Variants in ABCA9 observed in about 807,000 individuals in gnomAD.
ABCA9 encodes ATP binding cassette subfamily A member 9.
A neutral mutation model predicts 205.3 loss-of-function variants in ABCA9; 183 were observed. The observed-to-expected ratio is 0.89, with a 90% confidence interval of 0.79 to 1.01. ABCA9 has a LOEUF of 1.01. ABCA9 is among the 50% of genes least tolerant of loss of function. The pLI is 0.00. For synonymous variants in ABCA9, 651 were observed against 683.3 expected, an observed-to-expected ratio of 0.95 and a Z score of 0.74; for missense variants, 1,805 against 1,912.4, an observed-to-expected ratio of 0.94 and a Z score of 1.05.
At chr17:69,062,502 ATATTTATT>A (rs747545052), upstream of ABCA9, among the ~76,000 whole-genome samples, 12 of 151,488 alleles carry the variant, frequency 7.9e-5, no homozygotes, top group African/African-American at 2.4e-4. Context: ...ACAATATTTA[ATATTTATT>A]TATTTATTTA....
intron 6 of ABCA9, among the ~76,000 whole-genome samples, chr17:69,039,463 C>A (rs1322109307): frequency 1.3e-5 from 2 of 152,024 alleles, no homozygotes; most frequent in Admixed American, 6.5e-5. Context: ...GGAAAGGATT[C>A]CCTATTTAAT....
Position 68,993,154 on chromosome 17 carries a change from G to T in ABCA9, c.3556-70C>A. ...TATTCATGGAATTTATCCCACTTAA[G>T]ATAAACTGATGCCTATTCAATGGCC... On this transcript the variant is annotated intron_variant, in intron 26 of 38. Coordinates refer to ENST00000340001, the MANE Select transcript of ABCA9 (RefSeq NM_080283.4). 9 of 1,265,650 alleles carry T rather than the reference G, an allele frequency of 7.1e-6. No individual in the cohort carries two copies. The South Asian group carries it at 1.0e-4, about 14-fold the overall frequency. The allele number at this position is 1,265,650 out of a possible 1,614,324, so 78.4% of individuals were successfully genotyped here.
At chr17:68,990,580 TCTTA>T (rs2069414659) in intron 29 of ABCA9, among the ~76,000 whole-genome samples, 1 of 152,170 alleles carries the variant, frequency 6.6e-6, no homozygotes, top group African/African-American at 2.4e-5. Context: ...AGAAATGGGA[TCTTA>T]CTTGTTGCCC....
chr17:68,978,671 A>T (rs1598322396), intron 37 of ABCA9, among the ~76,000 whole-genome samples: 1 of 152,282 alleles, frequency 6.6e-6, no homozygotes, highest in East Asian at 1.9e-4. Flanking sequence ...TGATGGTGAC[A>T]AAATCTCTCA....
At chr17:69,061,070 C>T (rs1298438188), upstream of ABCA9, 23 of 985,282 alleles carry the variant, frequency 2.3e-5, no homozygotes, top group Non-Finnish European at 2.5e-5. Context: ...CTTCTGCTCA[C>T]GTGGTGATTT....
chr17:69,064,667 G>A (rs2072327308), upstream of ABCA9, among the ~76,000 whole-genome samples: 1 of 152,170 alleles, frequency 6.6e-6, no homozygotes, highest in African/African-American at 2.4e-5. Context: ...GTAAAGTATT[G>A]AGTGCAGTAG....
intron 8 of ABCA9, 126 bp downstream of exon 8, chr17:69,035,120 G>T: frequency 1.2e-6 from 1 of 816,878 alleles, no homozygotes; most frequent in Non-Finnish European, 1.7e-6. Context: ...AGTCACTCCT[G>T]TCTCATACAT....
At chr17:69,074,985 TTC>T in the ABCA9 span, among the ~76,000 whole-genome samples, 2 of 152,190 alleles carry the variant, frequency 1.3e-5, no homozygotes, top group African/African-American at 4.8e-5. Context: ...TGATTTGCAT[TTC>T]TCTGATGATT....
intron 25 of ABCA9, among the ~76,000 whole-genome samples, chr17:68,998,646 ATAT>A (rs1272761918): frequency 2.0e-5 from 3 of 151,758 alleles, no homozygotes; most frequent in African/African-American, 4.8e-5. Context: ...TACATAAAAA[ATAT>A]TAATTATTCT....
intron 15 of ABCA9, 36 bp from the exon 16 acceptor site, chr17:69,026,503 G>A (rs1408816596): frequency 6.6e-7 from 1 of 1,524,254 alleles, no homozygotes; most frequent in African/African-American, 1.4e-5. Context: ...GTTACATGAA[G>A]GACTTATTTC....
intron 1 of ABCA9, among the ~76,000 whole-genome samples, chr17:69,059,948 C>T (rs1249308023): frequency 6.6e-6 from 1 of 152,166 alleles, no homozygotes; most frequent in Non-Finnish European, 1.5e-5. Context: ...AACCAAACTG[C>T]AACATTTCCA....
chr17:69,007,033 GA>G (rs1181565360), intron 25 of ABCA9, among the ~76,000 whole-genome samples: 1 of 152,028 alleles, frequency 6.6e-6, no homozygotes, highest in Non-Finnish European at 1.5e-5. Flanking sequence ...TTGAATGAAG[GA>G]AAAAATGGGG....
intron 27 of ABCA9, 36 bp from the exon 28 acceptor site, chr17:68,992,302 C>T (rs765342630): frequency 7.9e-7 from 1 of 1,264,132 alleles, no homozygotes; most frequent in African/African-American, 1.5e-5. Flanking sequence ...ATTAGTATCA[C>T]TATAAATGCA....
chr17:69,032,337 A>G (rs1456926076), intron 9 of ABCA9, 61 bp from the exon 10 acceptor site: 2 of 1,488,866 alleles, frequency 1.3e-6, no homozygotes, highest in Non-Finnish European at 1.8e-6. Flanking sequence ...TTCCATCAGC[A>G]TATCAGTGCA....
At chr17:68,982,730 C>G (rs1431368348) in intron 36 of ABCA9, 89 bp from the exon 37 acceptor site, 2 of 1,017,332 alleles carry the variant, frequency 2.0e-6, no homozygotes, top group Non-Finnish European at 3.1e-6. Flanking sequence ...CAAGGCTAGG[C>G]ATGGTGGCCC....
At chr17:68,979,306 G>A (rs77618095) in intron 37 of ABCA9, among the ~76,000 whole-genome samples, 148,936 of 152,084 alleles carry the variant, frequency 0.98, 72,946 homozygotes, top group East Asian at 1. Flanking sequence ...ATGGAAGAAC[G>A]TTCCATGCTC....
At chr17:69,054,709 G>A (rs2072013825) in intron 1 of ABCA9, among the ~76,000 whole-genome samples, 1 of 151,704 alleles carries the variant, frequency 6.6e-6, no homozygotes, top group African/African-American at 2.4e-5. Context: ...TGTATATAAT[G>A]CCATATATAC....
At chr17:69,032,024 G>A in intron 10 of ABCA9, 84 bp downstream of exon 10, 5 of 1,369,392 alleles carry the variant, frequency 3.7e-6, no homozygotes, top group Admixed American at 2.0e-5. Context: ...CACAGAAGGC[G>A]ATCTTTGCTC....
chr17:68,977,117 GGA>G (rs1170290734), intron 37 of ABCA9, among the ~76,000 whole-genome samples: 1 of 152,106 alleles, frequency 6.6e-6, no homozygotes, highest in Non-Finnish European at 1.5e-5. Context: ...TGTTTCTCAT[GGA>G]TTTCAAAGGG....
Sources: gnomAD v4.1 joint callset for allele counts (sites outside exome capture counted in the v4.1 genomes callset) on GRCh38, gnomAD v4.1.1 for gene constraint, MANE v1.5 for transcripts, NCBI Gene and HGNC (gene_info 2026-07-23, HGNC 2026-07-21) for gene names.